The following IL9 variants were observed in gnomAD, a reference collection of about 807,000 sequenced individuals.
IL9 encodes the protein interleukin 9, also known as interleukin-9.
Under a neutral mutation model 12.9 loss-of-function variants are expected in IL9, and 16 were observed. The ratio of observed to expected loss-of-function variants is 1.24; its 90% confidence interval spans 0.84 to 1.88. IL9 has a LOEUF of 1.88. IL9 is among the 40% of genes most tolerant of loss of function. The probability of loss-of-function intolerance (pLI) is 0.00; values close to 1 mark genes in which losing one functional copy is unlikely to be tolerated. For synonymous variants in IL9, 69 were observed against 63.8 expected (o/e 1.08, Z -0.39); for missense variants, 170 against 173.1 (o/e 0.98, Z 0.10).
At chr5:135,893,967 C>T in intron 4 of IL9, 53 bp downstream of exon 4, 1 of 1,520,742 alleles carries the variant, frequency 6.6e-7, no homozygotes, top group South Asian at 1.2e-5. Flanking sequence ...TTGGCATCAC[C>T]ATTCACATAG....
chr5:135,892,367 A>T lies in IL9; in HGVS notation c.*24T>A, dbSNP rs1309988923. The T allele has an allele frequency of 2.0e-6, 3 of 1,532,864 alleles. No individual in the cohort carries two copies. In the African/African-American group the frequency reaches 4.2e-5, roughly 21 times the overall value. 95.0% of individuals were successfully genotyped at this position (1,532,864 alleles called of 1,614,324 possible). ...AAGAGAAAGCTTTTTAAATTTAATAAATAGGATAAATAATATTTCATCTTC... is the reference window on the plus strand; with the variant it reads ...AAGAGAAAGCTTTTTAAATTTAATATATAGGATAAATAATATTTCATCTTC... On this transcript the variant is annotated 3_prime_UTR_variant, in exon 5 of 5. Transcript: ENST00000274520.
At position 135,892,389 on chromosome 5, in the gene IL9, C is replaced by T. The variant is rs761327797; in HGVS notation, c.*2G>A. On this transcript the variant is annotated 3_prime_UTR_variant, in exon 5 of 5. Transcript: ENST00000274520. ...ATAAATAGGATAAATAATATTTCAT[C>T]TTCATATCTTGCCTCTCATCCCTCT... is the stretch of plus-strand genomic sequence containing the variant. 6.3e-7 allele frequency: 1 copy of T among 1,584,768 alleles called. No homozygotes were observed. The highest frequency in any genetic ancestry group is 8.6e-7 in the Non-Finnish European group (1 of 1,163,026).
At chr5:135,892,647 A>G in intron 4 of IL9, 137 bp from the exon 5 acceptor site, 1 of 912,422 alleles carries the variant, frequency 1.1e-6, no homozygotes. Flanking sequence ...TGAGACACAG[A>G]GCAAATAGGT....
At chr5:135,894,397 C>G (rs2069879) in intron 3 of IL9, among the ~76,000 whole-genome samples, 29,887 of 152,116 alleles carry the variant, frequency 0.2, 3,115 homozygotes, top group African/African-American at 0.25. Flanking sequence ...CATGAGGGCT[C>G]TGGGCCCTGA....
chr5:135,892,480 T>C lies in IL9; in HGVS notation c.346A>G (p.Thr116Ala), dbSNP rs1331951595. ...AATGTCAGCGCGTTGCCTGCCGTGGTTTGGTTGCATGGCTGTTCACAGGAA... is the reference window on the plus strand; with the variant it reads ...AATGTCAGCGCGTTGCCTGCCGTGGCTTGGTTGCATGGCTGTTCACAGGAA... ...YFSCEQPCNQ[T>A]TAGNALTFLK... Residue 116 changes from threonine to alanine, a missense_variant, in exon 5 of 5, where the codon ACC (threonine) becomes GCC (alanine). Transcript: ENST00000274520. 6.2e-7 allele frequency: 1 copy of C among 1,613,198 alleles called. No individual in the cohort carries two copies.
chr5:135,894,814 C>T (rs1762919770), intron 3 of IL9, among the ~76,000 whole-genome samples: 1 of 152,194 alleles, frequency 6.6e-6, no homozygotes, highest in South Asian at 2.1e-4. Flanking sequence ...TGCCACCCAT[C>T]CTTCCTGCCG....
rs1443525568 is a variant in IL9, at chr5:135,895,755, CA to C, written c.61del (p.Cys21ValfsTer31). On this transcript the variant is annotated frameshift_variant, in exon 1 of 5. Transcript: ENST00000274520. LOFTEE classifies it high-confidence loss of function. ...LLLCSVAGQG[C>X]PTLAGILDIN... Reference sequence around the variant, plus strand: ...GTCCAGGATCCCCGCCAAGGTTGGACACCCCTGGCCTGCCACGGAGCACAGG... The same window carrying C: ...GTCCAGGATCCCCGCCAAGGTTGGACCCCCTGGCCTGCCACGGAGCACAGG... The C allele has an allele frequency of 6.2e-7, 1 of 1,614,036 alleles. No homozygotes were observed. Among genetic ancestry groups the C allele is most frequent in the Non-Finnish European group, 8.5e-7 (1 of 1,180,002 alleles).
chr5:135,892,472 T>C lies in IL9; in HGVS notation c.354A>G (p.Ala118=), dbSNP rs200128004. Residue 118 remains alanine, a synonymous_variant, in exon 5 of 5, where the codon GCA becomes GCG. Coordinates refer to ENST00000274520, the MANE Select transcript of IL9 (RefSeq NM_000590.2). ...SCEQPCNQTT[A]GNALTFLKSL... Reference sequence around the variant, plus strand: ...TCTTCAGAAATGTCAGCGCGTTGCCTGCCGTGGTTTGGTTGCATGGCTGTT... The same window carrying C: ...TCTTCAGAAATGTCAGCGCGTTGCCCGCCGTGGTTTGGTTGCATGGCTGTT... The C allele has an allele frequency of 3.1e-5, 50 of 1,613,632 alleles. No individual in the cohort carries two copies. The East Asian group carries it at 1.1e-3, about 36-fold the overall frequency.
At chr5:135,892,780 C>A (rs1201420981) in intron 4 of IL9, among the ~76,000 whole-genome samples, 1 of 129,814 alleles carries the variant, frequency 7.7e-6, no homozygotes, top group African/African-American at 2.7e-5. Context: ...ACACACACAC[C>A]CCTATTAAGT....
chr5:135,894,202 GA>G, intron 3 of IL9, 51 bp from the exon 4 acceptor site: 1 of 1,537,310 alleles, frequency 6.5e-7, no homozygotes, highest in South Asian at 1.2e-5. Context: ...GACAGCTTTG[GA>G]AATATATCAC....
In IL9 at chr5:135,895,467, G is replaced by A; in HGVS notation, c.156C>T (p.Thr52=). The change falls in exon 3 of 5, where the codon ACC becomes ACT. Residue 52 remains threonine (T), a synonymous_variant. Coordinates refer to ENST00000274520, the MANE Select transcript of IL9 (RefSeq NM_000590.2). ...ASKCHCSANV[T]SCLCLGIPSD... ...AGGGAATGCCCAAACAGAGACAACTGGTCACCTGCAAGGGAAATTTCAGAG... is the reference window on the plus strand; with the variant it reads ...AGGGAATGCCCAAACAGAGACAACTAGTCACCTGCAAGGGAAATTTCAGAG... 1.2e-6 allele frequency: 2 copies of A among 1,613,826 alleles called. No homozygotes were observed. Among genetic ancestry groups the A allele is most frequent in the Non-Finnish European group, 1.7e-6 (2 of 1,179,808 alleles).
At position 135,892,483 on chromosome 5, in the gene IL9, G is replaced by A. The variant is rs1401197579; in HGVS notation, c.343C>T (p.Gln115Ter). ...PYFSCEQPCN[Q>*]TTAGNALTFL... The stretch of plus-strand genomic sequence containing the variant: ...GTCAGCGCGTTGCCTGCCGTGGTTT[G>A]GTTGCATGGCTGTTCACAGGAAAAA... Residue 115 changes from glutamine to a stop codon, truncating the protein, a stop_gained, in exon 5 of 5, where the codon CAA becomes TAA. Coordinates refer to ENST00000274520, the MANE Select transcript of IL9 (RefSeq NM_000590.2). LOFTEE classifies it low-confidence loss of function (END_TRUNC). The A allele has an allele frequency of 6.2e-7, 1 of 1,613,098 alleles. No homozygotes were observed. The highest frequency in any genetic ancestry group is 8.5e-7 in the Non-Finnish European group (1 of 1,179,636).
In IL9 at chr5:135,894,105, G is replaced by A. The variant is rs767555178; in HGVS notation, c.230C>T (p.Thr77Ile). 3 of 1,613,188 alleles carry A rather than the reference G, an allele frequency of 1.9e-6. No homozygotes were observed. The highest frequency in any genetic ancestry group is 2.2e-5 in the South Asian group (2 of 90,990). The change falls in exon 4 of 5, where the codon ACC becomes ATC. Residue 77 changes from threonine to isoleucine, a missense_variant. Thr to Ile is a moderately conservative substitution (Grantham distance 89). Coordinates refer to ENST00000274520, the MANE Select transcript of IL9 (RefSeq NM_000590.2). ...GTATCTTGTTTGCATGGTGGTATTG[G>A]TCATCTGAGACAGTCTCTCACTGAA... ...PCFSERLSQMTNTTMQTRYPL... is the reference protein window; with the variant it reads ...PCFSERLSQMINTTMQTRYPL...
At chr5:135,892,565 C>A in intron 4 of IL9, 55 bp from the exon 5 acceptor site, 6 of 1,557,456 alleles carry the variant, frequency 3.9e-6, no homozygotes, top group Non-Finnish European at 5.2e-6. Context: ...TAGAGCCAAG[C>A]AGCCCCAGAA....
intron 3 of IL9, among the ~76,000 whole-genome samples, chr5:135,894,885 C>T (rs1762920425): frequency 6.6e-6 from 1 of 152,172 alleles, no homozygotes; most frequent in African/African-American, 2.4e-5. Context: ...CCTCTACCTG[C>T]CCAGAGGGCA....
chr5:135,892,352 T>C lies in IL9; in HGVS notation c.*39A>G, dbSNP rs770709220. The stretch of plus-strand genomic sequence containing the variant: ...AATTGTAGCAACTTAAAGAGAAAGC[T>C]TTTTAAATTTAATAAATAGGATAAA... On this transcript the variant is annotated 3_prime_UTR_variant, in exon 5 of 5. Coordinates refer to ENST00000274520, the MANE Select transcript of IL9 (RefSeq NM_000590.2). 3.2e-5 allele frequency: 47 copies of C among 1,472,442 alleles called. No homozygotes were observed. The East Asian group carries it at 1.1e-3, about 33-fold the overall frequency. 91.2% of individuals were successfully genotyped at this position (1,472,442 alleles called of 1,614,324 possible).
intron 3 of IL9, 101 bp from the exon 4 acceptor site, chr5:135,894,252 C>T: frequency 8.6e-7 from 1 of 1,160,564 alleles, no homozygotes; most frequent in South Asian, 1.4e-5. Flanking sequence ...ATTTAATCAC[C>T]ATTACTCAAA....
chr5:135,894,369 T>A (rs1762915090), intron 3 of IL9, among the ~76,000 whole-genome samples: 1 of 152,208 alleles, frequency 6.6e-6, no homozygotes, highest in South Asian at 2.1e-4. Context: ...AGACTTCCTG[T>A]ATGTTACATC....
chr5:135,895,562 C>T lies in IL9; in HGVS notation c.143G>A (p.Ser48Asn), dbSNP rs1214148613. ...TAAAGAGCATTCACTCACATTAGCA[C>T]TGCAGTGGCACTTGGAAGCTGGATC... is the stretch of plus-strand genomic sequence containing the variant. The part of the protein sequence containing the change: ...QEDPASKCHC[S>N]ANVTSCLCLG... The change falls in exon 2 of 5, where the codon AGT (serine) becomes AAT (asparagine). Residue 48 changes from serine to asparagine, a missense_variant. Physicochemically the swap from Ser to Asn is conservative, Grantham distance 46. Transcript: ENST00000274520. 1 of 1,613,954 alleles carries T rather than the reference C, an allele frequency of 6.2e-7. No individual in the cohort carries two copies. Among genetic ancestry groups the T allele is most frequent in the Non-Finnish European group, 8.5e-7 (1 of 1,179,900 alleles).
Sources: allele counts gnomAD v4.1 joint callset (sites outside exome capture counted in the v4.1 genomes callset), GRCh38; gene constraint gnomAD v4.1.1; transcripts MANE v1.5; gene names NCBI Gene and HGNC (gene_info 2026-07-23, HGNC 2026-07-21).